Variants in DPH6 observed in about 807,000 individuals in gnomAD.
The protein encoded by DPH6 is diphthine--ammonia ligase.
A neutral mutation model predicts 38.2 loss-of-function variants in DPH6; 33 were observed. The ratio of observed to expected loss-of-function variants is 0.86; its 90% confidence interval spans 0.65 to 1.15. The LOEUF (loss-of-function observed/expected upper bound fraction) is 1.15. Ranked by LOEUF, DPH6 falls within the 50% of genes most tolerant of loss-of-function variation. The pLI is 0.00. For missense variants in DPH6, 325 were observed against 320.0 expected, an observed-to-expected ratio of 1.02 and a Z score of -0.12; for synonymous variants, 108 against 103.0, an observed-to-expected ratio of 1.05 and a Z score of -0.30.
At chr15:35,492,236 G>A (rs1005758841) in intron 3 of DPH6, among the ~76,000 whole-genome samples, 1 of 152,062 alleles carries the variant, frequency 6.6e-6, no homozygotes, top group African/African-American at 2.4e-5. Flanking sequence ...TGCGGGGAGG[G>A]CAATGTGCTT....
the DPH6 span, among the ~76,000 whole-genome samples, chr15:35,207,446 C>T: frequency 6.6e-6 from 1 of 152,134 alleles, no homozygotes; most frequent in South Asian, 2.1e-4. Flanking sequence ...CCAAAGAAAA[C>T]CAAAGAACCA....
At chr15:35,399,836 T>C (rs937940470) in intron 6 of DPH6, among the ~76,000 whole-genome samples, 6 of 152,240 alleles carry the variant, frequency 3.9e-5, no homozygotes, top group African/African-American at 1.4e-4. Flanking sequence ...TTTTCAGGTA[T>C]GCAGTCTTCA....
downstream of DPH6, among the ~76,000 whole-genome samples, chr15:35,328,115 A>G (rs867805623): frequency 5.3e-5 from 8 of 152,250 alleles, 1 homozygote; most frequent in Admixed American, 3.9e-4. Flanking sequence ...ACCTATATAT[A>G]TATATAAATT....
chr15:35,324,676 A>G (rs2052268173), intron 3 of DPH6, among the ~76,000 whole-genome samples: 1 of 152,188 alleles, frequency 6.6e-6, no homozygotes, highest in Non-Finnish European at 1.5e-5. Flanking sequence ...CTTATCCATA[A>G]ATATAAACCG....
intron 3 of DPH6, among the ~76,000 whole-genome samples, chr15:35,271,372 C>T (rs894015478): frequency 6.6e-5 from 10 of 152,244 alleles, no homozygotes; most frequent in Middle Eastern, 3.4e-3. Context: ...AAAATATATT[C>T]TTTGCAAACA....
At chr15:35,164,953 C>T in the DPH6 span, among the ~76,000 whole-genome samples, 1 of 151,804 alleles carries the variant, frequency 6.6e-6, no homozygotes, top group Non-Finnish European at 1.5e-5. Flanking sequence ...AGACCATCCC[C>T]CCTATTTTGT....
At chr15:35,484,423 T>C (rs1176975276) in intron 3 of DPH6, among the ~76,000 whole-genome samples, 1 of 152,228 alleles carries the variant, frequency 6.6e-6, no homozygotes, top group Non-Finnish European at 1.5e-5. Flanking sequence ...GCCAGGGCAA[T>C]GATCTCATCT....
intron 3 of DPH6, among the ~76,000 whole-genome samples, chr15:35,238,395 T>C (rs1595441024): frequency 6.6e-6 from 1 of 152,198 alleles, no homozygotes; most frequent in East Asian, 1.9e-4. Flanking sequence ...CTGGGCAATG[T>C]TTTATTAAGG....
intron 3 of DPH6, among the ~76,000 whole-genome samples, chr15:35,337,908 C>T (rs570446731): frequency 0.032 from 4,883 of 150,942 alleles, 241 homozygotes; most frequent in African/African-American, 0.11. Flanking sequence ...CTTTGACAAA[C>T]CTGAGAAAAA....
chr15:35,353,204 A>G (rs545606526), intron 3 of DPH6, among the ~76,000 whole-genome samples: 4,830 of 152,194 alleles, frequency 0.032, 230 homozygotes, highest in African/African-American at 0.11. Flanking sequence ...AGTAGATTGC[A>G]AAAATTTTCT....
chr15:35,349,140 CTCTTT>C (rs1169962272), intron 3 of DPH6, among the ~76,000 whole-genome samples: 1 of 151,964 alleles, frequency 6.6e-6, no homozygotes, highest in African/African-American at 2.4e-5. Context: ...TGATTTAGAT[CTCTTT>C]TATTTCTTTT....
chr15:35,439,689 G>A (rs1048893972), intron 5 of DPH6, among the ~76,000 whole-genome samples: 4 of 151,940 alleles, frequency 2.6e-5, no homozygotes, highest in African/African-American at 9.7e-5. Context: ...AACAGGTCCA[G>A]GAGCCCATGT....
the DPH6 span, among the ~76,000 whole-genome samples, chr15:35,146,937 GA>G: frequency 1.3e-5 from 2 of 152,092 alleles, no homozygotes; most frequent in African/African-American, 4.8e-5. Context: ...ATTGATTCTA[GA>G]AAAATCAAAG....
chr15:35,167,999 T>A, the DPH6 span, among the ~76,000 whole-genome samples: 1 of 152,000 alleles, frequency 6.6e-6, no homozygotes, highest in South Asian at 2.1e-4. Flanking sequence ...TGCTGGAGAT[T>A]ACATGAGAAG....
At chr15:35,485,003 A>G (rs909264336) in intron 3 of DPH6, among the ~76,000 whole-genome samples, 3 of 152,248 alleles carry the variant, frequency 2.0e-5, no homozygotes, top group African/African-American at 7.2e-5. Context: ...ACTAAATGAA[A>G]AAAAAATTAA....
At chr15:35,261,560 A>G (rs898922891) in intron 3 of DPH6, among the ~76,000 whole-genome samples, 2 of 151,996 alleles carry the variant, frequency 1.3e-5, no homozygotes, top group African/African-American at 2.4e-5. Flanking sequence ...AAGGCTGCAC[A>G]TGTGGCTCGT....
chr15:35,298,507 C>T (rs576937833), intron 3 of DPH6: 215 of 775,620 alleles, frequency 2.8e-4, no homozygotes, highest in Non-Finnish European at 4.6e-4. Flanking sequence ...CCACCTTTCC[C>T]GCACCAACCA....
At chr15:35,418,727 T>C (rs2053466681) in intron 5 of DPH6, among the ~76,000 whole-genome samples, 1 of 152,122 alleles carries the variant, frequency 6.6e-6, no homozygotes. Context: ...TTATGCTCCA[T>C]TATTTTCAAT....
chr15:35,517,542 T>G (rs577845800), intron 3 of DPH6, among the ~76,000 whole-genome samples: 2 of 152,136 alleles, frequency 1.3e-5, no homozygotes, highest in Non-Finnish European at 2.9e-5. Context: ...ACTACCATAT[T>G]TGGTTATTGA....
Sources: gnomAD v4.1 joint callset for allele counts (sites outside exome capture counted in the v4.1 genomes callset) on GRCh38, gnomAD v4.1.1 for gene constraint, MANE v1.5 for transcripts, NCBI Gene and HGNC (gene_info 2026-07-23, HGNC 2026-07-21) for gene names.